Variants in IL4I1 observed in about 807,000 individuals in gnomAD.
IL4I1 encodes the protein L-amino-acid oxidase.
In IL4I1, 24 loss-of-function variants were observed where a neutral mutation model predicts 29.7. The ratio of observed to expected loss-of-function variants is 0.81; its 90% CI spans 0.59 to 1.14. The LOEUF (loss-of-function observed/expected upper bound fraction) is 1.14. Ranked by LOEUF, IL4I1 falls within the 50% of genes most tolerant of loss-of-function variation. IL4I1 has a pLI of 0.00. For synonymous variants in IL4I1, 371 were observed against 352.5 expected, an observed-to-expected ratio of 1.05 and a Z score of -0.59; for missense variants, 686 against 785.6, an observed-to-expected ratio of 0.87 and a Z score of 1.52.
At chr19:49,922,530 G>C (rs1398709372) in intron 2 of IL4I1, among the ~76,000 whole-genome samples, 2 of 151,896 alleles carry the variant, frequency 1.3e-5, no homozygotes, top group Admixed American at 1.3e-4. Flanking sequence ...TCAATCCTCG[G>C]AGACTCTTGG....
In IL4I1 at chr19:49,890,357, GT is replaced by G. The variant is rs748268197; in HGVS notation, c.1016del (p.His339ProfsTer19). On this transcript the variant is annotated frameshift_variant, in exon 8 of 8. Transcript: ENST00000391826. LOFTEE classifies it low-confidence loss of function (END_TRUNC). ...GCAGCCTCCGCAGCGCCTCCTGCAT[GT>G]GGCGGGGCAGCGGCGGCGAGAAGGT... is the stretch of plus-strand genomic sequence containing the variant. Reference protein sequence around the residue: ...RITFSPPLPRHMQEALRRLHY... With the variant: ...RITFSPPLPRXMQEALRRLHY... 1.8e-5 allele frequency: 29 copies of G among 1,602,378 alleles called. No homozygotes were observed. Among genetic ancestry groups the G allele is most frequent in the Middle Eastern group, 1.7e-4 (1 of 6,054 alleles).
chr19:49,907,683 C>T (rs910116497), intron 2 of IL4I1: 12 of 359,958 alleles, frequency 3.3e-5, no homozygotes, highest in African/African-American at 2.0e-4. Context: ...AGATCACAGG[C>T]GTCCACCACA....
At chr19:49,891,984 G>GC (rs1366936449) in intron 5 of IL4I1, among the ~76,000 whole-genome samples, 2 of 151,778 alleles carry the variant, frequency 1.3e-5, no homozygotes, top group African/African-American at 4.8e-5. Flanking sequence ...TCCGTCCCCT[G>GC]CCCACAGCCC....
At position 49,889,770 on chromosome 19, in the gene IL4I1, C is replaced by G; in HGVS notation, c.1604G>C (p.Ser535Thr). The change falls in exon 8 of 8, where the codon AGC becomes ACC. Residue 535 changes from serine to threonine, a missense_variant. Coordinates refer to ENST00000391826, the MANE Select transcript of IL4I1 (RefSeq NM_152899.2). ...CTTTGCCAGGTCATGCGAGGGGCTG[C>G]TGGCCACCCCATGCACATGCCCCTG... ...EGQGHVHGVASSPSHDLAKEE... is the reference protein window; with the variant it reads ...EGQGHVHGVATSPSHDLAKEE... 2.0e-6 allele frequency: 3 copies of G among 1,525,438 alleles called. No homozygotes were observed. The highest frequency in any genetic ancestry group is 2.6e-6 in the Non-Finnish European group (3 of 1,136,732). 94.5% of individuals were successfully genotyped at this position (1,525,438 alleles called of 1,614,324 possible).
At chr19:49,927,230 A>C (rs116748042) in intron 2 of IL4I1, among the ~76,000 whole-genome samples, 3,171 of 152,218 alleles carry the variant, frequency 0.021, 89 homozygotes, top group South Asian at 0.1. Context: ...GGAAATGGCC[A>C]GGGTCACACA....
At chr19:49,925,852 G>A (rs533816153) in intron 2 of IL4I1, among the ~76,000 whole-genome samples, 3 of 152,230 alleles carry the variant, frequency 2.0e-5, no homozygotes, top group South Asian at 2.1e-4. Context: ...GAAATTCTCC[G>A]TATTATCTTT....
chr19:49,912,273 G>A (rs924021735), intron 2 of IL4I1, among the ~76,000 whole-genome samples: 7 of 150,320 alleles, frequency 4.7e-5, no homozygotes, highest in African/African-American at 1.2e-4. Flanking sequence ...GGGTTCAAGC[G>A]ATTCTCTCGC....
intron 2 of IL4I1, among the ~76,000 whole-genome samples, chr19:49,920,758 C>T (rs1237439446): frequency 6.6e-6 from 1 of 152,210 alleles, no homozygotes; most frequent in Non-Finnish European, 1.5e-5. Flanking sequence ...GCGGTGCAGG[C>T]ACAGGACATC....
intron 2 of IL4I1, among the ~76,000 whole-genome samples, chr19:49,913,666 C>T (rs536508057): frequency 1.3e-5 from 2 of 152,242 alleles, no homozygotes; most frequent in Non-Finnish European, 2.9e-5. Context: ...CATCTCTCCC[C>T]TTTGCTGTTT....
At chr19:49,909,230 G>A (rs752232071) in intron 2 of IL4I1, 1 of 1,614,150 alleles carries the variant, frequency 6.2e-7, no homozygotes, top group Non-Finnish European at 8.5e-7. Flanking sequence ...TGCTGGCGTG[G>A]CCGGAGTGAA....
Position 49,896,005 on chromosome 19 carries a change from G to C in IL4I1, c.62C>G (p.Ser21Cys). 2 of 1,614,204 alleles carry C rather than the reference G, an allele frequency of 1.2e-6. No individual in the cohort carries two copies. Among genetic ancestry groups the C allele is most frequent in the Non-Finnish European group, 8.5e-7 (1 of 1,180,034 alleles). Residue 21 changes from serine to cysteine, a missense_variant, in exon 3 of 8, where the codon TCC becomes TGC. Transcript: ENST00000391826. ...GCTGCGTTCAGCCTTCCAGTCCTGG[G>C]AGGCCACCAGGCTGAGGAGGATGGG... ...LVPILLSLVA[S>C]QDWKAERSQD...
At chr19:49,893,278 G>C (rs1218034707) in intron 5 of IL4I1, among the ~76,000 whole-genome samples, 1 of 151,932 alleles carries the variant, frequency 6.6e-6, no homozygotes, top group Non-Finnish European at 1.5e-5. Context: ...AGCTTGAGAG[G>C]AGGCTGGGGG....
At chr19:49,913,508 C>T (rs970029106) in intron 2 of IL4I1, among the ~76,000 whole-genome samples, 33 of 152,168 alleles carry the variant, frequency 2.2e-4, no homozygotes, top group African/African-American at 7.0e-4. Context: ...CACACGGGTG[C>T]GCCATGTCCT....
At chr19:49,894,944 C>T (rs1177706401) in intron 4 of IL4I1, 124 bp downstream of exon 4, 2 of 721,374 alleles carry the variant, frequency 2.8e-6, no homozygotes, top group Non-Finnish European at 4.7e-6. Context: ...GAGGATTAGG[C>T]GAAGGATGGG....
intron 2 of IL4I1, among the ~76,000 whole-genome samples, chr19:49,926,208 CAAAAAAA>C (rs33981121): frequency 0.016 from 685 of 42,506 alleles, 7 homozygotes; most frequent in African/African-American, 0.067. Flanking sequence ...GACTCTGTCT[CAAAAAAA>C]AAAAAAAAAA....
chr19:49,894,584 TG>T, intron 4 of IL4I1, 115 bp from the exon 5 acceptor site: 1 of 216,728 alleles, frequency 4.6e-6, no homozygotes. Context: ...AGCATGAGGC[TG>T]GGGGTGGGGC....
chr19:49,893,483 G>A (rs891785674), intron 5 of IL4I1, among the ~76,000 whole-genome samples: 1 of 151,966 alleles, frequency 6.6e-6, no homozygotes, highest in Non-Finnish European at 1.5e-5. Context: ...CCGGGAGGAG[G>A]AACAGGTTTA....
At chr19:49,904,793 T>C (rs1357581438) in intron 2 of IL4I1, among the ~76,000 whole-genome samples, 1 of 152,190 alleles carries the variant, frequency 6.6e-6, no homozygotes, top group Non-Finnish European at 1.5e-5. Flanking sequence ...CACTGTAAGC[T>C]CCGCCTCCCG....
chr19:49,891,265 G>A, intron 6 of IL4I1, 140 bp downstream of exon 6: 1 of 1,409,554 alleles, frequency 7.1e-7, no homozygotes, highest in African/African-American at 1.4e-5. Context: ...TCCAGACAGG[G>A]GGCGTGTCCA....
Sources: gnomAD v4.1 joint callset for allele counts (sites outside exome capture counted in the v4.1 genomes callset) on GRCh38, gnomAD v4.1.1 for gene constraint, MANE v1.5 for transcripts, NCBI Gene and HGNC (gene_info 2026-07-23, HGNC 2026-07-21) for gene names.